DOCK2: variants seen among roughly 807,000 people sequenced by gnomAD.
DOCK2 encodes dedicator of cytokinesis protein 2.
Under a neutral mutation model 248.9 loss-of-function variants are expected in DOCK2, and 87 were observed. The ratio of observed to expected loss-of-function variants is 0.35; its 90% confidence interval spans 0.29 to 0.42. The LOEUF is 0.42. Among genes scored for constraint, DOCK2 ranks in the 10% least tolerant of loss-of-function variants. The probability of loss-of-function intolerance (pLI) is 1.00; values close to 1 mark genes in which losing one functional copy is unlikely to be tolerated. For synonymous variants in DOCK2, 805 were observed against 821.6 expected, an observed-to-expected ratio of 0.98 and a Z score of 0.35; for missense variants, 1,747 against 2,300.2, an observed-to-expected ratio of 0.76 and a Z score of 4.92.
At chr5:169,946,152 C>T (rs1776439419) in intron 27 of DOCK2, among the ~76,000 whole-genome samples, 1 of 152,192 alleles carries the variant, frequency 6.6e-6, no homozygotes. Context: ...CTAACAGTCT[C>T]CCTGCCCTTG....
chr5:169,848,456 C>G (rs192496825), intron 27 of DOCK2, among the ~76,000 whole-genome samples: 1 of 152,198 alleles, frequency 6.6e-6, no homozygotes, highest in Non-Finnish European at 1.5e-5. Flanking sequence ...CTTGTTTGTG[C>G]GTGGTGAGGG....
intron 27 of DOCK2, among the ~76,000 whole-genome samples, chr5:169,971,511 C>A (rs1392367555): frequency 3.3e-5 from 5 of 150,162 alleles, no homozygotes; most frequent in Non-Finnish European, 5.9e-5. Flanking sequence ...TAATGTGAAA[C>A]CTTGGAGTCA....
At chr5:169,774,896 G>GTTT (rs1765292224) in intron 25 of DOCK2, among the ~76,000 whole-genome samples, 1 of 146,606 alleles carries the variant, frequency 6.8e-6, no homozygotes, top group African/African-American at 2.6e-5. Flanking sequence ...ACTGTTTTTT[G>GTTT]TTGTTGTTGT....
chr5:169,934,754 C>CAG (rs1491571242), intron 27 of DOCK2: 1 of 455,408 alleles, frequency 2.2e-6, no homozygotes, highest in Admixed American at 2.4e-5. Context: ...GATCAGTGCT[C>CAG]AGTAAATGCT....
At chr5:169,948,613 A>ATTTTTTTTTTTTTTTTTTTTTTTTTT in intron 27 of DOCK2, among the ~76,000 whole-genome samples, 1 of 135,950 alleles carries the variant, frequency 7.4e-6, no homozygotes, top group South Asian at 2.5e-4. Context: ...TCCACAATTA[A>ATTTTTTTTTTTTTTTTTTTTTTTTTT]TTTTTTTTTT....
At chr5:169,837,031 G>A (rs1205603719) in intron 26 of DOCK2, among the ~76,000 whole-genome samples, 1 of 152,094 alleles carries the variant, frequency 6.6e-6, no homozygotes, top group East Asian at 1.9e-4. Flanking sequence ...GGAAGAGAGG[G>A]CTTGGCTCCC....
At chr5:170,079,945 T>G in intron 49 of DOCK2, 1 of 602,622 alleles carries the variant, frequency 1.7e-6, no homozygotes, top group South Asian at 2.8e-5. Flanking sequence ...TCTAAATGAA[T>G]GTCCGCCACC....
intron 27 of DOCK2, among the ~76,000 whole-genome samples, chr5:169,911,916 G>A (rs1774618546): frequency 6.6e-6 from 1 of 152,180 alleles, no homozygotes; most frequent in South Asian, 2.1e-4. Context: ...GAGTCTCATG[G>A]GGCTATTAAA....
intron 27 of DOCK2, among the ~76,000 whole-genome samples, chr5:169,902,469 A>G (rs149724710): frequency 5.3e-5 from 8 of 152,322 alleles, no homozygotes; most frequent in Non-Finnish European, 1.0e-4. Context: ...CTTATCCACT[A>G]CGTGATTCTG....
At position 169,996,167 on chromosome 5, in the gene DOCK2, G is replaced by T; in HGVS notation, c.3072+3G>T. 6.2e-7 allele frequency: 1 copy of T among 1,613,708 alleles called. No homozygotes were observed. The highest frequency in any genetic ancestry group is 8.5e-7 in the Non-Finnish European group (1 of 1,179,770). On this transcript the variant is annotated splice_donor_region_variant and intron_variant, in intron 30 of 51. Transcript: ENST00000520908. ...AACACACGAACTTTGAGTTCCAGGTGAGTATAAGCCACCAGAGCTACCCTT... is the reference window on the plus strand; with the variant it reads ...AACACACGAACTTTGAGTTCCAGGTTAGTATAAGCCACCAGAGCTACCCTT...
At chr5:169,972,568 G>C (rs1777548482) in intron 27 of DOCK2, among the ~76,000 whole-genome samples, 1 of 59,642 alleles carries the variant, frequency 1.7e-5, no homozygotes, top group Admixed American at 1.9e-4. Context: ...TAGATAGATA[G>C]ATAGATAGAT....
At chr5:170,056,277 C>T (rs1757128336) in intron 42 of DOCK2, among the ~76,000 whole-genome samples, 1 of 152,162 alleles carries the variant, frequency 6.6e-6, no homozygotes, top group African/African-American at 2.4e-5. Flanking sequence ...ATCTCACCAA[C>T]GATTCAGGGA....
At chr5:169,946,292 T>A (rs1319978235) in intron 27 of DOCK2, among the ~76,000 whole-genome samples, 2 of 152,070 alleles carry the variant, frequency 1.3e-5, no homozygotes, top group Non-Finnish European at 2.9e-5. Context: ...CAGCCAGGGG[T>A]ATCCGGAGGC....
In DOCK2 at chr5:169,716,257, G is replaced by T. The variant is rs368933125; in HGVS notation, c.1986G>T (p.Glu662Asp). 2.7e-5 allele frequency: 44 copies of T among 1,613,644 alleles called. No individual in the cohort carries two copies. In the Middle Eastern group the frequency reaches 8.2e-4, roughly 30 times the overall value. ...ATGCCCTCTTCAACATCATGATGGAGCATTCTCAAAGTGATGAATATGACA... is the reference window on the plus strand; with the variant it reads ...ATGCCCTCTTCAACATCATGATGGATCATTCTCAAAGTGATGAATATGACA... ...TLDALFNIMM[E>D]HSQSDEYDIL... The change falls in exon 20 of 52, where the codon GAG becomes GAT. Residue 662 changes from glutamate to aspartate, a missense_variant. By Grantham distance (45) the Glu-to-Asp change is conservative (BLOSUM62 2). Coordinates refer to ENST00000520908, the MANE Select transcript of DOCK2 (RefSeq NM_004946.3).
At position 169,882,826 on chromosome 5, in the gene DOCK2, G is replaced by A. The variant is rs778418053; in HGVS notation, c.2799+41974G>A. 3.3e-5 allele frequency: 51 copies of A among 1,550,684 alleles called. 1 individual carries two copies. The Middle Eastern group carries it at 1.2e-3, about 36-fold the overall frequency. Reference sequence around the variant, plus strand: ...GTCTGACTCGGTGGGGTTGTTTGCCGTCTGCTCCTGACACCCAGGGGCAGA... The same window carrying A: ...GTCTGACTCGGTGGGGTTGTTTGCCATCTGCTCCTGACACCCAGGGGCAGA... On this transcript the variant is annotated intron_variant, in intron 27 of 51. Transcript: ENST00000520908.
At chr5:169,876,923 C>T (rs1772368409) in intron 27 of DOCK2, among the ~76,000 whole-genome samples, 2 of 152,172 alleles carry the variant, frequency 1.3e-5, no homozygotes, top group African/African-American at 4.8e-5. Context: ...GTATGAGACA[C>T]TGATCCATGA....
chr5:169,888,785 A>T (rs1773120328), intron 27 of DOCK2, among the ~76,000 whole-genome samples: 1 of 152,256 alleles, frequency 6.6e-6, no homozygotes, highest in Non-Finnish European at 1.5e-5. Context: ...CAGGATAGTC[A>T]GTGTTCACTC....
intron 19 of DOCK2, 76 bp from the exon 20 acceptor site, chr5:169,716,137 G>T (rs909656835): frequency 7.9e-7 from 1 of 1,265,296 alleles, no homozygotes; most frequent in Non-Finnish European, 1.1e-6. Context: ...CTTATAGATA[G>T]TTAGGAGTGG....
At chr5:170,000,774 G>A (rs1754803268) in intron 30 of DOCK2, among the ~76,000 whole-genome samples, 1 of 152,150 alleles carries the variant, frequency 6.6e-6, no homozygotes, top group Non-Finnish European at 1.5e-5. Context: ...TTCTGCCTAG[G>A]CCTTGAGGCA....
Sources: allele counts gnomAD v4.1 joint callset (sites outside exome capture counted in the v4.1 genomes callset), GRCh38; gene constraint gnomAD v4.1.1; transcripts MANE v1.5; gene names NCBI Gene and HGNC (gene_info 2026-07-23, HGNC 2026-07-21).